Variants in LATS1 observed in about 807,000 individuals in gnomAD.
The protein encoded by LATS1 is large tumor suppressor kinase 1, also known as serine/threonine-protein kinase LATS1.
A neutral mutation model predicts 106.6 loss-of-function variants in LATS1; 25 were observed. The observed-to-expected ratio is 0.23, with a 90% CI of 0.17 to 0.33. The LOEUF (loss-of-function observed/expected upper bound fraction) is 0.33. Ranked by LOEUF, LATS1 falls within the 10% of genes least tolerant of loss-of-function variation. The pLI is 1.00. For missense variants in LATS1, 1,040 were observed against 1,382.6 expected, an observed-to-expected ratio of 0.75 and a Z score of 3.93; for synonymous variants, 465 against 455.6, an observed-to-expected ratio of 1.02 and a Z score of -0.26.
At position 149,661,961 on chromosome 6, in the gene LATS1, T is replaced by C; in HGVS notation, c.3161A>G (p.Glu1054Gly). The C allele has an allele frequency of 6.2e-7, 1 of 1,614,120 alleles. No individual in the cohort carries two copies. The highest frequency in any genetic ancestry group is 8.5e-7 in the Non-Finnish European group (1 of 1,179,996). ...ATTGAGAGTGTCATTTACATTTTCT[T>C]CCTCGTTATCATCACTCCATAATTT... ...PDKLWSDDNE[E>G]ENVNDTLNGW... The change falls in exon 8 of 8, where the codon GAA (glutamate) becomes GGA (glycine). Residue 1054 changes from glutamate (E) to glycine (G), a missense_variant. Physicochemically the swap from Glu to Gly is moderately conservative, Grantham distance 98 (BLOSUM62 -2). This residue lies in a region of LATS1 where 113 missense variants were observed against 146.3 expected (regional missense o/e 0.77). Transcript: ENST00000543571.
chr6:149,673,921 C>A (rs187666199), intron 7 of LATS1, among the ~76,000 whole-genome samples: 3 of 150,858 alleles, frequency 2.0e-5, no homozygotes, highest in Admixed American at 2.0e-4. Flanking sequence ...GTGATCCACC[C>A]GCCTCAGCCT....
intron 1 of LATS1, among the ~76,000 whole-genome samples, chr6:149,702,961 C>A (rs1472468552): frequency 9.2e-5 from 14 of 151,768 alleles, no homozygotes; most frequent in African/African-American, 3.4e-4. Flanking sequence ...GTGTGAGCCA[C>A]CGTGCCCAGC....
intron 2 of LATS1, chr6:149,697,191 A>G: frequency 7.9e-7 from 1 of 1,261,376 alleles, no homozygotes; most frequent in Non-Finnish European, 1.1e-6. Context: ...ATCCTCCTAT[A>G]TGAAATGATA....
At chr6:149,714,351 T>C (rs534459616) in intron 1 of LATS1, among the ~76,000 whole-genome samples, 1 of 152,220 alleles carries the variant, frequency 6.6e-6, no homozygotes, top group South Asian at 2.1e-4. Context: ...CAAGTGTTCC[T>C]CCTGCCTCAG....
chr6:149,695,018 T>A, intron 3 of LATS1, 56 bp downstream of exon 3: 1 of 1,400,964 alleles, frequency 7.1e-7, no homozygotes. Flanking sequence ...GACTTCAGTA[T>A]TTTTAAACTA....
rs553539473 is a variant in LATS1, at chr6:149,675,918, C to T, written c.2883+342G>A. The T allele has an allele frequency of 3.8e-5, 9 of 236,712 alleles. No homozygotes were observed. The Admixed American group carries it at 4.2e-4, about 11-fold the overall frequency. 14.7% of individuals were successfully genotyped at this position (236,712 alleles called of 1,614,324 possible). Reference sequence around the variant, plus strand: ...TATGCTGTATGAGTGAGGGGGGATACAAGATTATGGGGATATGGCATCATG... The same window carrying T: ...TATGCTGTATGAGTGAGGGGGGATATAAGATTATGGGGATATGGCATCATG... On this transcript the variant is annotated intron_variant, in intron 7 of 7. Transcript: ENST00000543571.
At chr6:149,674,396 GA>G (rs1781600837) in intron 7 of LATS1, among the ~76,000 whole-genome samples, 1 of 151,878 alleles carries the variant, frequency 6.6e-6, no homozygotes, top group Non-Finnish European at 1.5e-5. Context: ...TATTTTTTGA[GA>G]TGGGATCTCA....
intron 3 of LATS1, among the ~76,000 whole-genome samples, chr6:149,692,515 G>A (rs1782818191): frequency 1.3e-5 from 2 of 151,970 alleles, no homozygotes; most frequent in South Asian, 4.1e-4. Flanking sequence ...ACATGTATCT[G>A]GGTGATTATT....
chr6:149,685,720 A>G (rs1385184283), intron 3 of LATS1, among the ~76,000 whole-genome samples: 1 of 152,166 alleles, frequency 6.6e-6, no homozygotes, highest in Non-Finnish European at 1.5e-5. Flanking sequence ...AAAAGATAGT[A>G]GGCTATAATT....
rs564283342 is a variant in LATS1, at chr6:149,697,778, G to A, written c.349-2557C>T. Among the ~76,000 whole-genome samples the A allele has an allele frequency of 7.2e-5, 11 of 152,126 alleles. No individual in the cohort carries two copies. In the East Asian group the frequency reaches 2.1e-3, roughly 29 times the overall value. On this transcript the variant is annotated intron_variant, in intron 2 of 7. Transcript: ENST00000543571. ...TTGAGATGGAGACTCGCTGTCGCCT[G>A]GGGTTGGAGTGCAGTGGCGTGATCT...
At chr6:149,699,424 C>T (rs924640978) in intron 2 of LATS1, among the ~76,000 whole-genome samples, 2 of 151,818 alleles carry the variant, frequency 1.3e-5, no homozygotes, top group African/African-American at 4.8e-5. Context: ...TGTGTGTGAT[C>T]TTTCTGCCCT....
chr6:149,701,074 C>T (rs577216306), intron 2 of LATS1, among the ~76,000 whole-genome samples: 3 of 152,226 alleles, frequency 2.0e-5, no homozygotes, highest in Non-Finnish European at 4.4e-5. Flanking sequence ...TGAGCCACTG[C>T]ACCCGGCCTG....
At chr6:149,689,698 GA>G (rs1782612425) in intron 3 of LATS1, among the ~76,000 whole-genome samples, 1 of 152,070 alleles carries the variant, frequency 6.6e-6, no homozygotes, top group Non-Finnish European at 1.5e-5. Flanking sequence ...ATCACTCTTA[GA>G]AAATGACTTG....
chr6:149,689,891 C>G (rs748993110), intron 3 of LATS1, among the ~76,000 whole-genome samples: 4 of 151,988 alleles, frequency 2.6e-5, no homozygotes, highest in African/African-American at 7.2e-5. Flanking sequence ...ACTTGATCCT[C>G]AAGTATCTCT....
At chr6:149,704,884 TTA>T (rs1491313483) in intron 1 of LATS1, among the ~76,000 whole-genome samples, 29 of 71,622 alleles carry the variant, frequency 4.0e-4, no homozygotes, top group Admixed American at 2.5e-3. Flanking sequence ...TAGAAATTAA[TTA>T]TACACACACA....
In LATS1 at chr6:149,662,298, C is replaced by T. The variant is rs1366055373; in HGVS notation, c.2884-60G>A. 3.0e-6 allele frequency: 4 copies of T among 1,345,604 alleles called. No individual in the cohort carries two copies. The South Asian group carries it at 5.7e-5, about 19-fold the overall frequency. 83.4% of individuals were successfully genotyped at this position (1,345,604 alleles called of 1,614,324 possible). On this transcript the variant is annotated intron_variant, in intron 7 of 7. Coordinates refer to ENST00000543571, the MANE Select transcript of LATS1 (RefSeq NM_004690.4). ...AAATTAGAAAAATAAAGATTTCCTT[C>T]AAGTTTTATACCAAAAGTCTCACTG... is the stretch of plus-strand genomic sequence containing the variant.
intron 2 of LATS1, 44 bp downstream of exon 2, chr6:149,701,735 A>G: frequency 2.8e-6 from 4 of 1,435,348 alleles, no homozygotes; most frequent in East Asian, 2.3e-5. Context: ...GTTATGTAGC[A>G]TAAGGTAAGA....
intron 3 of LATS1, among the ~76,000 whole-genome samples, chr6:149,694,102 A>T (rs964569641): frequency 2.6e-5 from 4 of 152,170 alleles, no homozygotes; most frequent in African/African-American, 4.8e-5. Flanking sequence ...AAAAATAAAA[A>T]AATAAAATAA....
At chr6:149,716,660 G>A (rs1219467547) in intron 1 of LATS1, among the ~76,000 whole-genome samples, 1 of 152,174 alleles carries the variant, frequency 6.6e-6, no homozygotes, top group Admixed American at 6.5e-5. Context: ...ATTTTTTGGT[G>A]AGCAGCAAGG....
Sources: gnomAD v4.1 joint callset for allele counts (sites outside exome capture counted in the v4.1 genomes callset) on GRCh38, gnomAD v4.1.1 for gene constraint, gnomAD v4.1.1 regional missense constraint, MANE v1.5 for transcripts, NCBI Gene and HGNC (gene_info 2026-07-23, HGNC 2026-07-21) for gene names.